The following DOCK2 variants were observed in gnomAD, a reference collection of about 807,000 sequenced individuals.
DOCK2 encodes dedicator of cytokinesis protein 2.
In DOCK2, 87 loss-of-function variants were observed where a neutral mutation model predicts 248.9. That is an observed-to-expected ratio of 0.35 (90% confidence interval 0.29 to 0.42). DOCK2 has a LOEUF of 0.42. Ranked by LOEUF, DOCK2 falls within the 10% of genes least tolerant of loss-of-function variation. The pLI is 1.00. For missense variants in DOCK2, 1,747 were observed against 2,300.2 expected (o/e 0.76, Z 4.92); for synonymous variants, 805 against 821.6 (o/e 0.98, Z 0.35).
intron 3 of DOCK2, among the ~76,000 whole-genome samples, chr5:169,669,928 A>T (rs1399371914): frequency 6.6e-6 from 1 of 152,212 alleles, no homozygotes; most frequent in Admixed American, 6.5e-5. Context: ...AAATGTATGG[A>T]GTAAGGAAAT....
chr5:169,962,848 G>A (rs1044196313), intron 27 of DOCK2, among the ~76,000 whole-genome samples: 1 of 152,116 alleles, frequency 6.6e-6, no homozygotes, highest in Non-Finnish European at 1.5e-5. Context: ...GCCAGACTGG[G>A]GATGAGGCAG....
chr5:169,913,954 A>G (rs1030194799), intron 27 of DOCK2, among the ~76,000 whole-genome samples: 6 of 152,226 alleles, frequency 3.9e-5, no homozygotes, highest in Non-Finnish European at 5.9e-5. Flanking sequence ...CTACAGATGA[A>G]GAAATAGGCT....
chr5:169,730,953 C>T (rs996583574), intron 22 of DOCK2, among the ~76,000 whole-genome samples: 4 of 152,114 alleles, frequency 2.6e-5, no homozygotes, highest in Admixed American at 2.0e-4. Flanking sequence ...ATGATCACAG[C>T]TCACTGTAGC....
intron 29 of DOCK2, among the ~76,000 whole-genome samples, chr5:169,987,846 T>C (rs1778105743): frequency 6.6e-6 from 1 of 152,306 alleles, no homozygotes. Flanking sequence ...AGAAAAAAGT[T>C]AGACTCTAGA....
chr5:169,671,187 A>G lies in DOCK2; in HGVS notation c.321+13A>G. The G allele has an allele frequency of 6.2e-7, 1 of 1,607,734 alleles. No homozygotes were observed. The highest frequency in any genetic ancestry group is 8.5e-7 in the Non-Finnish European group (1 of 1,175,148). ...ACAACTCTATGTGGTGAGACTCAGA[A>G]CTCTGCTCCCTGAGTTGGAAGCTTC... On this transcript the variant is annotated intron_variant, in intron 5 of 51. Transcript: ENST00000520908.
intron 25 of DOCK2, among the ~76,000 whole-genome samples, chr5:169,765,565 T>C (rs989207352): frequency 6.6e-6 from 1 of 152,206 alleles, no homozygotes; most frequent in African/African-American, 2.4e-5. Flanking sequence ...GAACCTCATC[T>C]CCAAGAAATG....
intron 15 of DOCK2, among the ~76,000 whole-genome samples, chr5:169,710,646 C>T (rs1761529510): frequency 6.6e-6 from 1 of 152,178 alleles, no homozygotes; most frequent in African/African-American, 2.4e-5. Flanking sequence ...TTTATTCCCC[C>T]CGGGCTCTGA....
chr5:169,791,271 G>A (rs992229763), intron 25 of DOCK2, among the ~76,000 whole-genome samples: 2 of 152,212 alleles, frequency 1.3e-5, no homozygotes, highest in Non-Finnish European at 2.9e-5. Flanking sequence ...GGTAGCGAAT[G>A]GCTTGAAGTC....
At chr5:169,903,030 G>A (rs887811727) in intron 27 of DOCK2, among the ~76,000 whole-genome samples, 4 of 151,928 alleles carry the variant, frequency 2.6e-5, no homozygotes, top group Non-Finnish European at 5.9e-5. Context: ...CAAAGGAGGT[G>A]GAGGTTGCAG....
At chr5:169,985,040 C>T (rs531391620) in intron 28 of DOCK2, among the ~76,000 whole-genome samples, 4 of 152,066 alleles carry the variant, frequency 2.6e-5, no homozygotes, top group Non-Finnish European at 5.9e-5. Context: ...CACAGCCTCC[C>T]GAGTAGCTGG....
At chr5:169,807,531 A>G (rs1038590024) in intron 26 of DOCK2, among the ~76,000 whole-genome samples, 1 of 152,118 alleles carries the variant, frequency 6.6e-6, no homozygotes, top group African/African-American at 2.4e-5. Context: ...TGTCCAGTCT[A>G]TAAAATCTAG....
At chr5:169,804,494 G>GCGCGCGCGCA (rs1182317986) in intron 26 of DOCK2, among the ~76,000 whole-genome samples, 2 of 57,918 alleles carry the variant, frequency 3.5e-5, no homozygotes, top group African/African-American at 7.2e-5. Flanking sequence ...GTGCGCGCGC[G>GCGCGCGCGCA]CGTGCGCGTA....
chr5:169,773,449 C>CGTGTGT lies in DOCK2; in HGVS notation c.2554+11839_2554+11844dup, dbSNP rs35693648. Among the ~76,000 whole-genome samples, 26 of 150,432 alleles carry CGTGTGT rather than the reference C, an allele frequency of 1.7e-4. No homozygotes were observed. In the East Asian group the frequency reaches 1.8e-3, roughly 10 times the overall value. ...ATGTAAATAAACTCAATAAACTCTT[C>CGTGTGT]GTGTGTGTGTGTGTGTGTGTAATTT... On this transcript the variant is annotated intron_variant, in intron 25 of 51. Transcript: ENST00000520908.
At chr5:169,898,359 A>T (rs1460874684) in intron 27 of DOCK2, among the ~76,000 whole-genome samples, 1 of 152,120 alleles carries the variant, frequency 6.6e-6, no homozygotes, top group African/African-American at 2.4e-5. Flanking sequence ...GGTGTACTGT[A>T]TGGTTAGGAG....
intron 6 of DOCK2, among the ~76,000 whole-genome samples, chr5:169,676,924 C>T (rs1301103874): frequency 2.0e-5 from 3 of 152,194 alleles, no homozygotes; most frequent in East Asian, 3.8e-4. Context: ...CCAGTGATAA[C>T]TTCTGAAGCG....
chr5:169,815,455 C>A (rs908157093), intron 26 of DOCK2, among the ~76,000 whole-genome samples: 12 of 152,168 alleles, frequency 7.9e-5, no homozygotes, highest in Non-Finnish European at 1.5e-5. Context: ...ACACTCCCTC[C>A]TTCCTATCCT....
At chr5:169,846,550 G>A (rs1770316830) in intron 27 of DOCK2, among the ~76,000 whole-genome samples, 1 of 151,926 alleles carries the variant, frequency 6.6e-6, no homozygotes, top group Non-Finnish European at 1.5e-5. Flanking sequence ...TTTAGCTTTT[G>A]TGGTGAGAAA....
Position 169,764,109 on chromosome 5 carries a change from G to C in DOCK2, c.2554+2484G>C, listed in dbSNP as rs1185949908. ...GAGTGTGATTCCTCTGGCCAAGTTTGAGCAGTAATGAAATTCCTCCTGTTA... is the reference window on the plus strand; with the variant it reads ...GAGTGTGATTCCTCTGGCCAAGTTTCAGCAGTAATGAAATTCCTCCTGTTA... On this transcript the variant is annotated intron_variant, in intron 25 of 51. Coordinates refer to ENST00000520908, the MANE Select transcript of DOCK2 (RefSeq NM_004946.3). This position sits in a 1 kb window ranked among gnomAD's most constrained non-coding sequence, Gnocchi z 4.3. Among the ~76,000 whole-genome samples the C allele has an allele frequency of 6.6e-6, 1 of 152,192 alleles. No homozygotes were observed. The highest frequency in any genetic ancestry group is 1.9e-4 in the East Asian group (1 of 5,192).
chr5:169,972,618 A>T (rs1777561639), intron 27 of DOCK2, among the ~76,000 whole-genome samples: 1 of 113,472 alleles, frequency 8.8e-6, no homozygotes, highest in African/African-American at 3.2e-5. Flanking sequence ...ATAGATAGAT[A>T]GATAGATAGA....
Sources: gnomAD v4.1 joint callset for allele counts (sites outside exome capture counted in the v4.1 genomes callset) on GRCh38, gnomAD v4.1.1 for gene constraint, Gnocchi (gnomAD v3.1) non-coding constraint, MANE v1.5 for transcripts, NCBI Gene and HGNC (gene_info 2026-07-23, HGNC 2026-07-21) for gene names.